The following FSTL5 variants were observed in gnomAD, a reference collection of about 807,000 sequenced individuals.
The protein encoded by FSTL5 is follistatin like 5.
A neutral mutation model predicts 89.1 loss-of-function variants in FSTL5; 62 were observed. The observed-to-expected ratio is 0.70, with a 90% CI of 0.57 to 0.86. The LOEUF (loss-of-function observed/expected upper bound fraction) is 0.86, where lower values mean the gene tolerates loss of function less well. Among genes scored for constraint, FSTL5 ranks in the 40% least tolerant of loss-of-function variants. FSTL5 has a pLI of 0.00. For synonymous variants in FSTL5, 383 were observed against 346.2 expected, an observed-to-expected ratio of 1.11 and a Z score of -1.18; for missense variants, 1,057 against 1,001.6, an observed-to-expected ratio of 1.06 and a Z score of -0.75.
chr4:161,837,636 T>A (rs1731088028), intron 4 of FSTL5, among the ~76,000 whole-genome samples: 1 of 152,242 alleles, frequency 6.6e-6, no homozygotes, highest in African/African-American at 2.4e-5. Flanking sequence ...ATCTATGAGG[T>A]GTCTTCTATC....
At chr4:161,972,031 T>G (rs1055326250) in intron 3 of FSTL5, among the ~76,000 whole-genome samples, 1 of 152,162 alleles carries the variant, frequency 6.6e-6, no homozygotes, top group African/African-American at 2.4e-5. Flanking sequence ...ATGCACTCAC[T>G]TGTATAATTC....
At chr4:161,794,022 A>G (rs1729555348) in intron 4 of FSTL5, among the ~76,000 whole-genome samples, 1 of 152,206 alleles carries the variant, frequency 6.6e-6, no homozygotes, top group Non-Finnish European at 1.5e-5. Context: ...AAACATGTTA[A>G]TTCAGACCAC....
intron 15 of FSTL5, among the ~76,000 whole-genome samples, chr4:161,404,708 A>C (rs1303022616): frequency 1.3e-5 from 2 of 150,650 alleles, no homozygotes; most frequent in Non-Finnish European, 3.0e-5. Context: ...AAGTGACTTA[A>C]AAAAAAAAAC....
intron 2 of FSTL5, among the ~76,000 whole-genome samples, chr4:162,092,002 A>G (rs1730568388): frequency 6.6e-6 from 1 of 151,604 alleles, no homozygotes; most frequent in East Asian, 1.9e-4. Flanking sequence ...ATAGAATTCT[A>G]TATTACATAT....
chr4:161,520,577 T>C (rs1387710587), intron 10 of FSTL5, among the ~76,000 whole-genome samples: 1 of 152,106 alleles, frequency 6.6e-6, no homozygotes, highest in Non-Finnish European at 1.5e-5. Flanking sequence ...TAAAGACACG[T>C]AGGAGTAAAT....
intron 6 of FSTL5, among the ~76,000 whole-genome samples, chr4:161,669,657 A>G (rs1044973101): frequency 3.9e-5 from 6 of 152,212 alleles, no homozygotes; most frequent in Non-Finnish European, 4.4e-5. Context: ...TACATCACAG[A>G]CTTAAATATA....
chr4:161,753,188 G>T (rs963506876), intron 6 of FSTL5, among the ~76,000 whole-genome samples: 4 of 152,058 alleles, frequency 2.6e-5, no homozygotes, highest in African/African-American at 9.7e-5. Flanking sequence ...TCTGGCTGAG[G>T]TCACCTACTT....
At chr4:161,597,023 T>C (rs1734038482) in intron 7 of FSTL5, among the ~76,000 whole-genome samples, 1 of 152,130 alleles carries the variant, frequency 6.6e-6, no homozygotes, top group Non-Finnish European at 1.5e-5. Context: ...GTGCAGAAGC[T>C]CTTTAGTTTC....
At chr4:161,406,885 C>A (rs1343377211) in intron 15 of FSTL5, among the ~76,000 whole-genome samples, 1 of 151,984 alleles carries the variant, frequency 6.6e-6, no homozygotes, top group Non-Finnish European at 1.5e-5. Context: ...TCAATTTTGC[C>A]CACACCCGCC....
intron 6 of FSTL5, among the ~76,000 whole-genome samples, chr4:161,753,171 C>G (rs546000254): frequency 1.3e-5 from 2 of 152,148 alleles, no homozygotes; most frequent in South Asian, 4.1e-4. Flanking sequence ...TATTCCCTAT[C>G]TTTATTTCTG....
At chr4:161,916,873 G>T (rs1194573763) in intron 4 of FSTL5, among the ~76,000 whole-genome samples, 1 of 152,098 alleles carries the variant, frequency 6.6e-6, no homozygotes, top group East Asian at 1.9e-4. Context: ...AAATGTAGAT[G>T]ATTTAACATG....
intron 4 of FSTL5, among the ~76,000 whole-genome samples, chr4:161,829,396 CT>C (rs1336503726): frequency 1.3e-5 from 2 of 150,226 alleles, no homozygotes; most frequent in Non-Finnish European, 3.0e-5. Context: ...AGGAGTTCTG[CT>C]TAAACAATAG....
chr4:161,496,706 T>C (rs764394601), intron 12 of FSTL5, among the ~76,000 whole-genome samples: 1 of 152,068 alleles, frequency 6.6e-6, no homozygotes, highest in Non-Finnish European at 1.5e-5. Flanking sequence ...CTACAAATTT[T>C]GGACTTGACA....
At chr4:161,673,303 T>C (rs983589957) in intron 6 of FSTL5, among the ~76,000 whole-genome samples, 4 of 152,086 alleles carry the variant, frequency 2.6e-5, no homozygotes, top group African/African-American at 9.6e-5. Flanking sequence ...GTGGCATTTT[T>C]TTACATGTAA....
intron 4 of FSTL5, among the ~76,000 whole-genome samples, chr4:161,795,143 G>A (rs528584998): frequency 6.6e-5 from 10 of 152,082 alleles, no homozygotes; most frequent in Admixed American, 6.5e-4. Flanking sequence ...GCAGAAAAAT[G>A]AGCATTTCAA....
Position 161,472,849 on chromosome 4 carries a change from T to C in FSTL5, c.1608+8171A>G, listed in dbSNP as rs188794934. Among the ~76,000 whole-genome samples the C allele has an allele frequency of 3.4e-3, 521 of 151,970 alleles. 3 individuals carry two copies. The highest frequency in any genetic ancestry group is 0.011 in the African/African-American group (467 of 41,464). On this transcript the variant is annotated intron_variant, in intron 13 of 15. Coordinates refer to ENST00000306100, the MANE Select transcript of FSTL5 (RefSeq NM_020116.5). ...AAGCAATTCTCCTGCCTCAGCCTCC[T>C]GAGTAGCTGGGATTACAGGAGTGTA...
chr4:161,757,970 C>T (rs1052947894), intron 6 of FSTL5, among the ~76,000 whole-genome samples: 1 of 152,098 alleles, frequency 6.6e-6, no homozygotes, highest in Non-Finnish European at 1.5e-5. Context: ...TAACAACACC[C>T]TTCTAAAGAA....
intron 12 of FSTL5, among the ~76,000 whole-genome samples, chr4:161,488,937 G>A (rs898744534): frequency 1.3e-5 from 2 of 152,104 alleles, no homozygotes; most frequent in African/African-American, 2.4e-5. Flanking sequence ...TGGCAGTCCC[G>A]TGACTGAGCA....
In FSTL5 at chr4:162,042,428, T is replaced by C. The variant is rs1422830866; in HGVS notation, c.127-8770A>G. Among the ~76,000 whole-genome samples, 5 of 152,178 alleles carry C rather than the reference T, an allele frequency of 3.3e-5. No individual in the cohort carries two copies. In the East Asian group the frequency reaches 5.8e-4, roughly 18 times the overall value. ...TGTCAAAATGGACATCTTTGGTTCA[T>C]GGACTCATGAAAGACATAGACACAC... On this transcript the variant is annotated intron_variant, in intron 2 of 15. Coordinates refer to ENST00000306100, the MANE Select transcript of FSTL5 (RefSeq NM_020116.5).
Sources: allele counts gnomAD v4.1 joint callset (sites outside exome capture counted in the v4.1 genomes callset), GRCh38; gene constraint gnomAD v4.1.1; transcripts MANE v1.5; gene names NCBI Gene and HGNC (gene_info 2026-07-23, HGNC 2026-07-21).